Variants in RFX4 observed in about 807,000 individuals in gnomAD.
RFX4 encodes the protein transcription factor RFX4.
A neutral mutation model predicts 95.0 loss-of-function variants in RFX4; 10 were observed. The ratio of observed to expected loss-of-function variants is 0.11; its 90% CI spans 0.06 to 0.18. The LOEUF is 0.18. RFX4 is among the 10% of genes least tolerant of loss of function. The pLI, the probability that RFX4 is intolerant of heterozygous loss-of-function variation, is 1.00. For missense variants in RFX4, 640 were observed against 922.0 expected, an observed-to-expected ratio of 0.69 and a Z score of 3.96; for synonymous variants, 321 against 340.7, an observed-to-expected ratio of 0.94 and a Z score of 0.64.
At chr12:106,743,565 G>A (rs915184779) in intron 15 of RFX4, among the ~76,000 whole-genome samples, 5 of 152,268 alleles carry the variant, frequency 3.3e-5, no homozygotes, top group African/African-American at 9.6e-5. Context: ...GTTTGATAAC[G>A]TCTATTTCTA....
chr12:106,679,084 G>A (rs544900839), intron 4 of RFX4, among the ~76,000 whole-genome samples: 1 of 152,312 alleles, frequency 6.6e-6, no homozygotes, highest in South Asian at 2.1e-4. Flanking sequence ...AGCCATCTGA[G>A]TATTCCAGTT....
chr12:106,594,820 A>G (rs1228700829), intron 1 of RFX4, among the ~76,000 whole-genome samples: 1 of 152,088 alleles, frequency 6.6e-6, no homozygotes, highest in East Asian at 1.9e-4. Context: ...AAAAAAAGAA[A>G]TGAAAACACC....
chr12:106,606,455 G>A (rs1284376142), intron 1 of RFX4, among the ~76,000 whole-genome samples: 1 of 152,192 alleles, frequency 6.6e-6, no homozygotes, highest in Non-Finnish European at 1.5e-5. Flanking sequence ...GAAAGGATGA[G>A]AAGAAGTGAG....
At chr12:106,727,052 A>G (rs568401277) in intron 13 of RFX4, among the ~76,000 whole-genome samples, 1 of 152,238 alleles carries the variant, frequency 6.6e-6, no homozygotes, top group Admixed American at 6.5e-5. Flanking sequence ...GGTTACAAGC[A>G]TGAGTCACCA....
intron 13 of RFX4, among the ~76,000 whole-genome samples, chr12:106,721,523 G>A (rs1412304842): frequency 6.6e-6 from 1 of 152,136 alleles, no homozygotes; most frequent in Non-Finnish European, 1.5e-5. Flanking sequence ...TTACTGAATC[G>A]GGGTGAATGT....
rs778949159 is a variant in RFX4 at position 106,687,018 on chromosome 12, G to A, written c.512G>A (p.Arg171Gln). ...AAACAGACAGTGGCATATTCACCCC[G>A]GTCCAAACTCGGAACACTGCTGCCA... ...VSKQTVAYSPRSKLGTLLPEF... is the reference protein window; with the variant it reads ...VSKQTVAYSPQSKLGTLLPEF... The change falls in exon 6 of 18, where the codon CGG (arginine) becomes CAG (glutamine). Residue 171 changes from arginine to glutamine, a missense_variant. Around this residue, in one of 7 missense-constraint regions of RFX4, gnomAD observed 89 missense variants for 173.8 expected, o/e 0.51. Coordinates refer to ENST00000392842, the MANE Select transcript of RFX4 (RefSeq NM_213594.3). The A allele has an allele frequency of 1.5e-5, 24 of 1,613,890 alleles. No homozygotes were observed. The highest frequency in any genetic ancestry group is 3.3e-5 in the Admixed American group (2 of 59,980).
chr12:106,685,232 C>T (rs2041619182), intron 5 of RFX4, among the ~76,000 whole-genome samples: 1 of 151,678 alleles, frequency 6.6e-6, no homozygotes, highest in African/African-American at 2.4e-5. Flanking sequence ...TCTTTTAGTC[C>T]TAGCTACTAG....
At chr12:106,685,123 C>T (rs1172423147) in intron 5 of RFX4, among the ~76,000 whole-genome samples, 8 of 150,364 alleles carry the variant, frequency 5.3e-5, no homozygotes, top group South Asian at 2.2e-4. Context: ...TGTATTGCCA[C>T]GGGACTGTGA....
rs149964770 is a variant in RFX4, at chr12:106,613,679, A to G, written c.130+4796A>G. 3.5e-3 allele frequency among the ~76,000 whole-genome samples: 539 copies of G among 152,148 alleles called. 3 individuals are homozygous for G. The highest frequency in any genetic ancestry group is 2.2e-3 in the Non-Finnish European group (151 of 67,992). On this transcript the variant is annotated intron_variant, in intron 2 of 17. Coordinates refer to ENST00000392842, the MANE Select transcript of RFX4 (RefSeq NM_213594.3). Reference sequence around the variant, plus strand: ...ACGCCTGGCCTGCATCAATATTTATAAGGGATATTAGTCTGTAGTTTTCTT... The same window carrying G: ...ACGCCTGGCCTGCATCAATATTTATGAGGGATATTAGTCTGTAGTTTTCTT...
At chr12:106,623,174 G>A (rs994950745) in intron 2 of RFX4, among the ~76,000 whole-genome samples, 4 of 151,360 alleles carry the variant, frequency 2.6e-5, no homozygotes, top group Admixed American at 1.3e-4. Context: ...GAGTAGCTGG[G>A]ACTACAGGCG....
chr12:106,756,227 C>G (rs1312637341), intron 17 of RFX4, among the ~76,000 whole-genome samples: 2 of 152,194 alleles, frequency 1.3e-5, no homozygotes, highest in African/African-American at 4.8e-5. Context: ...TTCCAGGTTC[C>G]CCATTCCCAG....
intron 13 of RFX4, among the ~76,000 whole-genome samples, chr12:106,728,562 G>A (rs1378599390): frequency 6.6e-6 from 1 of 152,030 alleles, no homozygotes; most frequent in East Asian, 1.9e-4. Flanking sequence ...TTAAATACAG[G>A]TTATAGTATT....
At chr12:106,659,700 A>T (rs1186093851) in intron 4 of RFX4, among the ~76,000 whole-genome samples, 1 of 152,220 alleles carries the variant, frequency 6.6e-6, no homozygotes, top group Non-Finnish European at 1.5e-5. Flanking sequence ...CATTCCATGG[A>T]TGGCAAACTG....
At chr12:106,617,442 G>T (rs2137227197) in intron 2 of RFX4, among the ~76,000 whole-genome samples, 1 of 151,990 alleles carries the variant, frequency 6.6e-6, no homozygotes, top group Non-Finnish European at 1.5e-5. Context: ...TTTCATTATT[G>T]TTCAGTTAAA....
intron 2 of RFX4, among the ~76,000 whole-genome samples, chr12:106,636,645 T>C (rs1381857436): frequency 6.6e-6 from 1 of 152,282 alleles, no homozygotes; most frequent in Non-Finnish European, 1.5e-5. Flanking sequence ...TACGATGTAT[T>C]TTACATTCCG....
chr12:106,696,155 T>G (rs1592950522), intron 7 of RFX4, 128 bp from the exon 8 acceptor site: 3 of 1,067,002 alleles, frequency 2.8e-6, no homozygotes, highest in East Asian at 2.4e-5. Flanking sequence ...AGGCTGGGGG[T>G]GACTTCTGCT....
intron 4 of RFX4, among the ~76,000 whole-genome samples, chr12:106,671,145 A>G (rs1043708621): frequency 2.0e-5 from 3 of 152,202 alleles, no homozygotes; most frequent in Non-Finnish European, 2.9e-5. Flanking sequence ...AGCATACTTT[A>G]TTCTACATGA....
intron 1 of RFX4, among the ~76,000 whole-genome samples, chr12:106,607,327 T>C (rs906012624): frequency 6.6e-6 from 1 of 152,110 alleles, no homozygotes; most frequent in Admixed American, 6.5e-5. Flanking sequence ...AAAAATGATA[T>C]CACAGTTTTG....
intron 2 of RFX4, among the ~76,000 whole-genome samples, chr12:106,610,832 A>G (rs2039945423): frequency 6.6e-6 from 1 of 152,234 alleles, no homozygotes; most frequent in Non-Finnish European, 1.5e-5. Context: ...GTATATACCC[A>G]GAAATGAAAT....
Sources: gnomAD v4.1 joint callset for allele counts (sites outside exome capture counted in the v4.1 genomes callset) on GRCh38, gnomAD v4.1.1 for gene constraint, gnomAD v4.1.1 regional missense constraint, MANE v1.5 for transcripts, NCBI Gene and HGNC (gene_info 2026-07-23, HGNC 2026-07-21) for gene names.